Variants in SAMD12 observed in about 807,000 individuals in gnomAD.
The protein encoded by SAMD12 is sterile alpha motif domain containing 12, also known as sterile alpha motif domain-containing protein 12.
In SAMD12, 9 loss-of-function variants were observed where a neutral mutation model predicts 15.0. The observed-to-expected ratio is 0.60, with a 90% CI of 0.36 to 1.05. SAMD12 has a LOEUF of 1.05. Ranked by LOEUF, SAMD12 falls within the 50% of genes least tolerant of loss-of-function variation. SAMD12 has a pLI of 0.01. For synonymous variants in SAMD12, 86 were observed against 90.1 expected (o/e 0.96, Z 0.25); for missense variants, 230 against 234.2 (o/e 0.98, Z 0.12).
intron 4 of SAMD12, among the ~76,000 whole-genome samples, chr8:118,226,403 T>C (rs1487099811): frequency 2.0e-5 from 3 of 152,188 alleles, no homozygotes; most frequent in African/African-American, 7.2e-5. Context: ...ATGGTGTTAG[T>C]TCTAAACCAA....
Position 118,379,067 on chromosome 8 carries a change from T to C in SAMD12, c.*350A>G. 1 of 1,045,434 alleles carries C rather than the reference T, an allele frequency of 9.6e-7. No homozygotes were observed. Among genetic ancestry groups the C allele is most frequent in the Non-Finnish European group, 1.2e-6 (1 of 865,172 alleles). 64.8% of individuals were successfully genotyped at this position (1,045,434 alleles called of 1,614,324 possible). A position where few individuals can be genotyped will look rare whatever the true frequency, so the allele number is the denominator to read the frequency against. ...CATATCTAAAATGTTTTTCTCCCACTAACCGGTGAAAAGCAAAACAAAAAT... is the reference window on the plus strand; with the variant it reads ...CATATCTAAAATGTTTTTCTCCCACCAACCGGTGAAAAGCAAAACAAAAAT... On this transcript the variant is annotated 3_prime_UTR_variant, in exon 4 of 4. Transcript: ENST00000314727.
chr8:118,405,668 A>G (rs1259342395), intron 3 of SAMD12, among the ~76,000 whole-genome samples: 1 of 152,184 alleles, frequency 6.6e-6, no homozygotes, highest in Non-Finnish European at 1.5e-5. Context: ...AAGTTATACC[A>G]GAAAACAAAG....
At chr8:118,450,922 G>C (rs985223798) in intron 2 of SAMD12, among the ~76,000 whole-genome samples, 1 of 152,124 alleles carries the variant, frequency 6.6e-6, no homozygotes, top group African/African-American at 2.4e-5. Flanking sequence ...GACCAAATTA[G>C]CTTCAGGGAT....
rs573880104 is a variant in SAMD12, at chr8:118,444,002, C to T, written c.193-4041G>A. ...AGGCAGAGCTGTCAATGCCTTCGAC[C>T]GCCTCGTCTCCTTTCCTCAACATCC... On this transcript the variant is annotated intron_variant, in intron 2 of 3. Coordinates refer to ENST00000314727, the MANE Select transcript of SAMD12 (RefSeq NM_207506.3). Among the ~76,000 whole-genome samples the T allele has an allele frequency of 4.6e-5, 7 of 152,274 alleles. No individual in the cohort carries two copies. In the South Asian group the frequency reaches 8.3e-4, roughly 18 times the overall value.
At chr8:118,251,121 G>A (rs1404322468) in intron 4 of SAMD12, among the ~76,000 whole-genome samples, 4 of 152,154 alleles carry the variant, frequency 2.6e-5, no homozygotes, top group Middle Eastern at 3.2e-3. Context: ...TAGGGGTGCC[G>A]TGAGTGAGAA....
chr8:118,348,353 G>C (rs149344602), intron 4 of SAMD12, among the ~76,000 whole-genome samples: 3 of 151,670 alleles, frequency 2.0e-5, no homozygotes, highest in Non-Finnish European at 4.4e-5. Flanking sequence ...ACGGGCGTGA[G>C]CCACTGCTCC....
chr8:118,361,494 A>G (rs1287620980), intron 4 of SAMD12, among the ~76,000 whole-genome samples: 1 of 152,206 alleles, frequency 6.6e-6, no homozygotes. Flanking sequence ...TCAATAAGTA[A>G]TCCTTTAATA....
chr8:118,258,632 A>C (rs1170275198), intron 4 of SAMD12, among the ~76,000 whole-genome samples: 1 of 152,070 alleles, frequency 6.6e-6, no homozygotes, highest in African/African-American at 2.4e-5. Context: ...TGATTTCTAC[A>C]TGGAAGCAGG....
chr8:118,421,564 A>G (rs6469746), intron 3 of SAMD12, among the ~76,000 whole-genome samples: 2 of 152,130 alleles, frequency 1.3e-5, no homozygotes, highest in East Asian at 3.9e-4. Flanking sequence ...CTTTGGGTGT[A>G]TGAAACAAAA....
chr8:118,295,423 G>T (rs1378171724), intron 4 of SAMD12, among the ~76,000 whole-genome samples: 1 of 152,104 alleles, frequency 6.6e-6, no homozygotes, highest in Non-Finnish European at 1.5e-5. Flanking sequence ...CTGCCAATAT[G>T]AAGATAAGAT....
intron 2 of SAMD12, among the ~76,000 whole-genome samples, chr8:118,550,090 C>T (rs531827817): frequency 1.7e-3 from 258 of 152,262 alleles, no homozygotes; most frequent in African/African-American, 5.4e-3. Flanking sequence ...TGGAACCAAG[C>T]TGGAAAACAC....
In SAMD12 at chr8:118,305,525, G is replaced by A. The variant is rs1472145884; in HGVS notation, c.433+74035C>T. On this transcript the variant is annotated intron_variant, in intron 4 of 4. Coordinates refer to the SAMD12 transcript ENST00000409003. ...TATACCACATATTGTTTACCCATTT[G>A]TCTGTTGATGGACATTTGGGCTGTT... Among the ~76,000 whole-genome samples the A allele has an allele frequency of 2.6e-5, 4 of 152,052 alleles. No homozygotes were observed. In the East Asian group the frequency reaches 7.7e-4, roughly 29 times the overall value.
intron 1 of SAMD12, among the ~76,000 whole-genome samples, chr8:118,602,202 T>A (rs888861497): frequency 6.6e-6 from 1 of 152,222 alleles, no homozygotes; most frequent in Non-Finnish European, 1.5e-5. Context: ...GGGCTGAAGG[T>A]ATTTCGGTTT....
rs117374056 is a variant in SAMD12 at position 118,278,425 on chromosome 8, C to T, written c.434-80693G>A. ...GACTCTCTTTTCTTCTCTTTCCACA[C>T]GTCCTCCTTTCTGTAGCTGAATGTG... is the stretch of plus-strand genomic sequence containing the variant. On this transcript the variant is annotated intron_variant, in intron 4 of 4. Coordinates refer to the SAMD12 transcript ENST00000409003. Among the ~76,000 whole-genome samples the T allele has an allele frequency of 7.9e-5, 12 of 152,332 alleles. No homozygotes were observed. The East Asian group carries it at 2.3e-3, about 29-fold the overall frequency.
intron 1 of SAMD12, among the ~76,000 whole-genome samples, chr8:118,601,456 T>C (rs1156823486): frequency 6.6e-6 from 1 of 152,192 alleles, no homozygotes; most frequent in Non-Finnish European, 1.5e-5. Flanking sequence ...CCAGACACCA[T>C]ACCCTCCTCA....
At chr8:118,373,076 T>C (rs1819188904), downstream of SAMD12, among the ~76,000 whole-genome samples, 1 of 152,164 alleles carries the variant, frequency 6.6e-6, no homozygotes, top group Non-Finnish European at 1.5e-5. Context: ...TTGATTGTTG[T>C]GGTAGTTATT....
At chr8:118,313,412 G>A (rs758519901) in intron 4 of SAMD12, among the ~76,000 whole-genome samples, 4 of 152,118 alleles carry the variant, frequency 2.6e-5, no homozygotes, top group African/African-American at 7.2e-5. Flanking sequence ...TGCAGTGGTC[G>A]TTTTGGAGTT....
At chr8:118,472,047 G>A (rs967893266) in intron 2 of SAMD12, among the ~76,000 whole-genome samples, 4 of 152,172 alleles carry the variant, frequency 2.6e-5, no homozygotes, top group African/African-American at 9.7e-5. Flanking sequence ...CAGCACTTTG[G>A]GAGGCCGAGG....
chr8:118,144,744 C>G, the SAMD12 span, among the ~76,000 whole-genome samples: 1 of 152,126 alleles, frequency 6.6e-6, no homozygotes. Context: ...ATCTCTAACT[C>G]TCACTAGAAA....
Sources: allele counts gnomAD v4.1 joint callset (sites outside exome capture counted in the v4.1 genomes callset), GRCh38; gene constraint gnomAD v4.1.1; transcripts MANE v1.5; gene names NCBI Gene and HGNC (gene_info 2026-07-23, HGNC 2026-07-21).